The following ACOT2 variants were observed in gnomAD, a reference collection of about 807,000 sequenced individuals.
The protein encoded by ACOT2 is acyl-CoA thioesterase 2.
In ACOT2, 15 loss-of-function variants were observed where a neutral mutation model predicts 20.1. That is an observed-to-expected ratio of 0.75 (90% CI 0.50 to 1.15). ACOT2 has a LOEUF of 1.15. Ranked by LOEUF, ACOT2 falls within the 50% of genes most tolerant of loss-of-function variation. ACOT2 has a pLI of 0.00. For synonymous variants in ACOT2, 252 were observed against 268.4 expected (o/e 0.94, Z 0.60); for missense variants, 479 against 615.3 (o/e 0.78, Z 2.34).
chr14:73,569,208 T>C (rs1889655306), upstream of ACOT2: 1 of 1,609,308 alleles, frequency 6.2e-7, no homozygotes, highest in South Asian at 1.1e-5. Context: ...TCTGCCCTAG[T>C]GGGCGCTTAG....
chr14:73,572,443 A>G (rs12879732), intron 1 of ACOT2, among the ~76,000 whole-genome samples: 37,804 of 150,598 alleles, frequency 0.25, 4,510 homozygotes, highest in East Asian at 0.58. Flanking sequence ...TTTAGATACA[A>G]TTCAAAAACT....
intron 1 of ACOT2, among the ~76,000 whole-genome samples, chr14:73,570,132 G>A (rs1889694980): frequency 6.7e-6 from 1 of 149,218 alleles, no homozygotes; most frequent in Non-Finnish European, 1.5e-5. Context: ...TTCCGTCCCT[G>A]CCCTTTTCAC....
chr14:73,570,285 A>C (rs904338558), intron 1 of ACOT2, among the ~76,000 whole-genome samples: 3 of 151,700 alleles, frequency 2.0e-5, no homozygotes, highest in Admixed American at 6.6e-5. Context: ...AAGACATTGT[A>C]AGGGCCAGGC....
Position 73,574,914 on chromosome 14 carries a change from G to A in ACOT2, c.853G>A (p.Gly285Ser). The A allele has an allele frequency of 1.2e-6, 2 of 1,612,754 alleles. No individual in the cohort carries two copies. The highest frequency in any genetic ancestry group is 1.1e-5 in the South Asian group (1 of 90,980). The change falls in exon 3 of 3, where the codon GGT (glycine) becomes AGT (serine). Residue 285 changes from glycine (G) to serine (S), a missense_variant. Physicochemically the swap from Gly to Ser is moderately conservative, Grantham distance 56. Around this residue, in one of 4 missense-constraint regions of ACOT2, gnomAD observed 400 missense variants for 395.5 expected, o/e 1.01. Transcript: ENST00000238651. ...NYLLSHPEVKGPGVGLLGISK... is the reference protein window; with the variant it reads ...NYLLSHPEVKSPGVGLLGISK... ...TCCTTTGTCCCTTTCTCAGGTAAAA[G>A]GTCCAGGAGTTGGGCTGCTTGGAAT...
chr14:73,575,615 A>G lies in ACOT2; in HGVS notation c.*102A>G, dbSNP rs1889866200. Reference sequence around the variant, plus strand: ...ATTCATTCTTTTGTTTTTAATAACTAAAGTTTTTTCCCCTCATTATTAAAA... The same window carrying G: ...ATTCATTCTTTTGTTTTTAATAACTGAAGTTTTTTCCCCTCATTATTAAAA... On this transcript the variant is annotated 3_prime_UTR_variant, in exon 3 of 3. Coordinates refer to ENST00000238651, the MANE Select transcript of ACOT2 (RefSeq NM_006821.6). 4.5e-6 allele frequency: 7 copies of G among 1,565,562 alleles called. No homozygotes were observed. The highest frequency in any genetic ancestry group is 2.2e-5 in the East Asian group (1 of 44,496).
chr14:73,572,869 C>T (rs1400073050), intron 1 of ACOT2, among the ~76,000 whole-genome samples: 1 of 150,392 alleles, frequency 6.6e-6, no homozygotes. Flanking sequence ...TGGTCTCGAA[C>T]TCCTGACCTC....
chr14:73,569,847 G>T lies in ACOT2; in HGVS notation c.607G>T (p.Val203Leu), dbSNP rs1215829086. 1 of 1,604,682 alleles carries T rather than the reference G, an allele frequency of 6.2e-7. No homozygotes were observed. Among genetic ancestry groups the T allele is most frequent in the East Asian group, 2.2e-5 (1 of 44,606 alleles). ...PPGVRREPVR[V>L]GRVRGTLFLP... is the part of the protein sequence containing the mutation. ...CGGGGTGCGGCGCGAGCCGGTGCGC[G>T]TGGGCCGGGTGCGAGGCACGCTCTT... Residue 203 changes from valine to leucine, a missense_variant, in exon 1 of 3, where the codon GTG (valine) becomes TTG (leucine). Physicochemically the swap from Val to Leu is conservative, Grantham distance 32. Coordinates refer to ENST00000238651, the MANE Select transcript of ACOT2 (RefSeq NM_006821.6).
chr14:73,569,717 C>T lies in ACOT2; in HGVS notation c.477C>T (p.Asp159=). 1 of 1,609,346 alleles carries T rather than the reference C, an allele frequency of 6.2e-7. No homozygotes were observed. Among genetic ancestry groups the T allele is most frequent in the East Asian group, 2.2e-5 (1 of 44,814 alleles). Residue 159 remains aspartate, a synonymous_variant, in exon 1 of 3, where the codon GAC becomes GAT. Transcript: ENST00000238651. ...CTTTGGTGCGGCTGGTGAAGCGCGA[C>T]GTGCGAACGCCCTTGGCCGTGGAGC... The part of the protein sequence containing the change: ...EKPLVRLVKR[D]VRTPLAVELE...
chr14:73,569,708 G>C lies in ACOT2; in HGVS notation c.468G>C (p.Val156=), dbSNP rs763414559. 5.6e-6 allele frequency: 9 copies of C among 1,609,312 alleles called. No homozygotes were observed. In the South Asian group the frequency reaches 9.9e-5, roughly 18 times the overall value. ...CCGAGAAACCTTTGGTGCGGCTGGT[G>C]AAGCGCGACGTGCGAACGCCCTTGG... The part of the protein sequence containing the change: ...LEPEKPLVRL[V]KRDVRTPLAV... Residue 156 remains valine (V), a synonymous_variant, in exon 1 of 3, where the codon GTG becomes GTC. Coordinates refer to ENST00000238651, the MANE Select transcript of ACOT2 (RefSeq NM_006821.6).
chr14:73,570,884 G>T (rs562930337), intron 1 of ACOT2, among the ~76,000 whole-genome samples: 1 of 143,888 alleles, frequency 6.9e-6, no homozygotes, highest in Non-Finnish European at 1.5e-5. Flanking sequence ...CAGCCTGGGG[G>T]ACAAGAGTGA....
chr14:73,573,564 A>G lies in ACOT2; in HGVS notation c.820A>G (p.Met274Val), dbSNP rs202093592. The G allele has an allele frequency of 6.7e-5, 108 of 1,613,782 alleles. 1 individual carries two copies. In the Admixed American group the frequency reaches 9.5e-4, roughly 14 times the overall value. Residue 274 changes from methionine (M) to valine (V), a missense_variant, in exon 2 of 3, where the codon ATG (methionine) becomes GTG (valine). Physicochemically the swap from Met to Val is conservative, Grantham distance 21 (BLOSUM62 1). Around this residue, in one of 4 missense-constraint regions of ACOT2, gnomAD observed 400 missense variants for 395.5 expected, o/e 1.01. Transcript: ENST00000238651. ...TLHLEYFEEA[M>V]NYLLSHPEVK... ...CCATCTGGAGTACTTTGAAGAAGCC[A>G]TGAACTACTTGCTCAGTCATCCCGA...
chr14:73,573,689 C>T (rs113921232), intron 2 of ACOT2, 99 bp downstream of exon 2: 8 of 1,360,010 alleles, frequency 5.9e-6, no homozygotes, highest in Non-Finnish European at 8.4e-6. Flanking sequence ...ACAGCCATTC[C>T]CTACCCCAAC....
rs1401638630 is a variant in ACOT2, at chr14:73,569,722, G to A, written c.482G>A (p.Arg161Gln). 6.2e-7 allele frequency: 1 copy of A among 1,609,222 alleles called. No individual in the cohort carries two copies. Among genetic ancestry groups the A allele is most frequent in the African/African-American group, 1.3e-5 (1 of 74,788 alleles). The change falls in exon 1 of 3, where the codon CGA (arginine) becomes CAA (glutamine). Residue 161 changes from arginine to glutamine, a missense_variant. Physicochemically the swap from Arg to Gln is conservative, Grantham distance 43 (BLOSUM62 1). Transcript: ENST00000238651. The stretch of plus-strand genomic sequence containing the variant: ...GTGCGGCTGGTGAAGCGCGACGTGC[G>A]AACGCCCTTGGCCGTGGAGCTGGAG... ...PLVRLVKRDVRTPLAVELEVL... is the reference protein window; with the variant it reads ...PLVRLVKRDVQTPLAVELEVL...
chr14:73,570,505 T>G (rs1165077236), intron 1 of ACOT2, among the ~76,000 whole-genome samples: 101 of 135,732 alleles, frequency 7.4e-4, no homozygotes, highest in Middle Eastern at 4.5e-3. Flanking sequence ...GGAGGCAGAG[T>G]TTGTAGTGAG....
In ACOT2 at chr14:73,569,284, T is replaced by C. The variant is rs1182142945; in HGVS notation, c.44T>C (p.Leu15Pro). 6.2e-7 allele frequency: 1 copy of C among 1,613,920 alleles called. No homozygotes were observed. Among genetic ancestry groups the C allele is most frequent in the East Asian group, 2.2e-5 (1 of 44,894 alleles). Residue 15 changes from leucine to proline, a missense_variant, in exon 1 of 3, where the codon CTC (leucine) becomes CCC (proline). By Grantham distance (98) the Leu-to-Pro change is moderately conservative (BLOSUM62 -3). Transcript: ENST00000238651. ...LLSPHPHSVV[L>P]RSEFKMASSP... ...TCTCCCCACCCCCATTCAGTTGTTC[T>C]CAGGTCTGAATTCAAAATGGCCTCA...
At chr14:73,568,464 C>G (rs1280404024), upstream of ACOT2, among the ~76,000 whole-genome samples, 2 of 151,566 alleles carry the variant, frequency 1.3e-5, no homozygotes, top group Admixed American at 6.6e-5. Flanking sequence ...GAGGCTGAGT[C>G]AGGAAGATGG....
At position 73,569,693 on chromosome 14, in the gene ACOT2, T is replaced by C. The variant is rs781423590; in HGVS notation, c.453T>C (p.Pro151=). ...GLLWALEPEK[P]LVRLVKRDVR... Reference sequence around the variant, plus strand: ...TCTGGGCCTTGGAGCCCGAGAAACCTTTGGTGCGGCTGGTGAAGCGCGACG... The same window carrying C: ...TCTGGGCCTTGGAGCCCGAGAAACCCTTGGTGCGGCTGGTGAAGCGCGACG... Residue 151 remains proline, a synonymous_variant, in exon 1 of 3, where the codon CCT becomes CCC. Coordinates refer to ENST00000238651, the MANE Select transcript of ACOT2 (RefSeq NM_006821.6). 1,380 of 1,609,278 alleles carry C rather than the reference T, an allele frequency of 8.6e-4. 23 individuals carry two copies. The highest frequency in any genetic ancestry group is 1.1e-3 in the Non-Finnish European group (1,261 of 1,178,408).
upstream of ACOT2, chr14:73,568,981 G>A: frequency 1.9e-6 from 1 of 519,070 alleles, no homozygotes; most frequent in Non-Finnish European, 3.4e-6. Flanking sequence ...GGAGTTTGGA[G>A]CCTGGAGACT....
chr14:73,569,159 G>C, upstream of ACOT2: 1 of 1,529,802 alleles, frequency 6.5e-7, no homozygotes, highest in East Asian at 2.3e-5. Flanking sequence ...TGGCTGATCG[G>C]CTGGACTCTG....
Sources: allele counts gnomAD v4.1 joint callset (sites outside exome capture counted in the v4.1 genomes callset), GRCh38; gene constraint gnomAD v4.1.1; regional missense constraint gnomAD v4.1.1; transcripts MANE v1.5; gene names NCBI Gene and HGNC (gene_info 2026-07-23, HGNC 2026-07-21).